NRXN1: variants seen among roughly 807,000 people sequenced by gnomAD.
NRXN1 encodes neurexin 1.
A neutral mutation model predicts 150.9 loss-of-function variants in NRXN1; 39 were observed. That is an observed-to-expected ratio of 0.26 (90% CI 0.20 to 0.34). The LOEUF (loss-of-function observed/expected upper bound fraction) is 0.34, where lower values mean the gene tolerates loss of function less well. Among genes scored for constraint, NRXN1 ranks in the 10% least tolerant of loss-of-function variants. The probability of loss-of-function intolerance (pLI) is 1.00; values close to 1 mark genes in which losing one functional copy is unlikely to be tolerated. For synonymous variants in NRXN1, 924 were observed against 757.0 expected (o/e 1.22, Z -3.62); for missense variants, 1,815 against 1,949.9 (o/e 0.93, Z 1.30).
At chr2:50,307,706 C>G (rs1227479060) in intron 17 of NRXN1, among the ~76,000 whole-genome samples, 1 of 152,134 alleles carries the variant, frequency 6.6e-6, no homozygotes, top group Non-Finnish European at 1.5e-5. Context: ...TGACTCCTGA[C>G]TTACTCTCAA....
chr2:50,272,424 AAAC>A lies in NRXN1; in HGVS notation c.3365-35457_3365-35455del, dbSNP rs1207803504. 5.3e-5 allele frequency among the ~76,000 whole-genome samples: 8 copies of A among 152,306 alleles called. No homozygotes were observed. The South Asian group carries it at 1.0e-3, about 20-fold the overall frequency. On this transcript the variant is annotated intron_variant, in intron 17 of 22. Coordinates refer to ENST00000401669, the MANE Select transcript of NRXN1 (RefSeq NM_001330078.2). ...AGCATTCAATAAAACTTGATACTGA[AAAC>A]AACAGCTCCCATTGAACAACTGGAG...
chr2:50,818,040 C>T (rs915729527), intron 5 of NRXN1, among the ~76,000 whole-genome samples: 3 of 140,122 alleles, frequency 2.1e-5, no homozygotes, highest in African/African-American at 5.4e-5. Flanking sequence ...GCATCAAAGC[C>T]AGCAAAAAGT....
rs552402178 is a variant in NRXN1, at chr2:50,058,420, C to T, written c.3719-3376G>A. ...GTGAGCACTGTTTTAAACTGAAGAACTTTTTAATTACAGGACAGACTTTAT... is the reference window on the plus strand; with the variant it reads ...GTGAGCACTGTTTTAAACTGAAGAATTTTTTAATTACAGGACAGACTTTAT... On this transcript the variant is annotated intron_variant, in intron 19 of 22. Coordinates refer to ENST00000401669, the MANE Select transcript of NRXN1 (RefSeq NM_001330078.2). Among the ~76,000 whole-genome samples the T allele has an allele frequency of 5.9e-5, 9 of 152,238 alleles. No homozygotes were observed. In the South Asian group the frequency reaches 1.7e-3, roughly 28 times the overall value.
intron 7 of NRXN1, among the ~76,000 whole-genome samples, chr2:50,620,475 A>G (rs1159002949): frequency 6.6e-6 from 1 of 152,174 alleles, no homozygotes; most frequent in Admixed American, 6.5e-5. Flanking sequence ...GCAACTCAAA[A>G]GTTATTGAGC....
At chr2:51,023,651 C>T (rs752443630) in intron 2 of NRXN1, among the ~76,000 whole-genome samples, 4 of 152,172 alleles carry the variant, frequency 2.6e-5, no homozygotes, top group African/African-American at 4.8e-5. Context: ...TATGCCTTCT[C>T]ACTAGAATAT....
chr2:50,981,885 T>C (rs1696886064), intron 2 of NRXN1, among the ~76,000 whole-genome samples: 1 of 150,890 alleles, frequency 6.6e-6, no homozygotes, highest in African/African-American at 2.4e-5. Flanking sequence ...ACACAGAAAA[T>C]TGAAAAAAAA....
chr2:50,176,428 C>T (rs2060358146), intron 18 of NRXN1, among the ~76,000 whole-genome samples: 1 of 152,026 alleles, frequency 6.6e-6, no homozygotes, highest in African/African-American at 2.4e-5. Context: ...GGGGCCTTTC[C>T]TGTGAATTTT....
At chr2:50,154,962 A>T (rs935724745) in intron 18 of NRXN1, among the ~76,000 whole-genome samples, 5 of 151,724 alleles carry the variant, frequency 3.3e-5, no homozygotes, top group African/African-American at 9.7e-5. Context: ...CCTTAACTTA[A>T]AATGAAAAAA....
chr2:50,971,346 A>T (rs1417818513), intron 2 of NRXN1, among the ~76,000 whole-genome samples: 1 of 152,134 alleles, frequency 6.6e-6, no homozygotes, highest in Non-Finnish European at 1.5e-5. Flanking sequence ...GCACTTTGGG[A>T]GGCCACAGTG....
chr2:50,360,795 A>C (rs549138883), intron 17 of NRXN1, among the ~76,000 whole-genome samples: 187 of 152,312 alleles, frequency 1.2e-3, no homozygotes, highest in Non-Finnish European at 1.7e-3. Context: ...TCCACCCCAA[A>C]TCAACAGAAT....
At chr2:50,109,471 G>T (rs776322723) in intron 18 of NRXN1, among the ~76,000 whole-genome samples, 9 of 151,976 alleles carry the variant, frequency 5.9e-5, no homozygotes, top group Non-Finnish European at 1.3e-4. Flanking sequence ...AAATGGCATT[G>T]CTTTGACTTT....
intron 21 of NRXN1, among the ~76,000 whole-genome samples, chr2:50,045,411 T>C (rs1037909217): frequency 6.6e-6 from 1 of 152,120 alleles, no homozygotes; most frequent in Non-Finnish European, 1.5e-5. Context: ...GGCATGATCT[T>C]GGCTCACTGC....
intron 5 of NRXN1, among the ~76,000 whole-genome samples, chr2:50,685,547 C>A (rs534205233): frequency 5.3e-5 from 8 of 152,204 alleles, no homozygotes; most frequent in African/African-American, 1.9e-4. Flanking sequence ...TTGGATTCAT[C>A]ACTTTTTTCT....
rs548734452 is a variant in NRXN1, at chr2:50,520,543, A to G, written c.2374+8082T>C. 7.6e-4 allele frequency among the ~76,000 whole-genome samples: 115 copies of G among 152,100 alleles called. 1 individual carries two copies. The highest frequency in any genetic ancestry group is 2.6e-3 in the African/African-American group (108 of 41,570). Reference sequence around the variant, plus strand: ...GATATACTTCCAGAAACATAATAGAAAAGCAATTTTGTTATGAAGGTCCCT... The same window carrying G: ...GATATACTTCCAGAAACATAATAGAGAAGCAATTTTGTTATGAAGGTCCCT... On this transcript the variant is annotated intron_variant, in intron 12 of 22. Coordinates refer to ENST00000401669, the MANE Select transcript of NRXN1 (RefSeq NM_001330078.2).
chr2:50,847,725 G>C (rs1431723052), intron 5 of NRXN1, among the ~76,000 whole-genome samples: 1 of 152,200 alleles, frequency 6.6e-6, no homozygotes, highest in African/African-American at 2.4e-5. Context: ...AGGATGTCCA[G>C]GGAGCACGTC....
intron 18 of NRXN1, among the ~76,000 whole-genome samples, chr2:50,160,556 G>C (rs962259647): frequency 1.3e-5 from 2 of 151,808 alleles, no homozygotes; most frequent in African/African-American, 4.8e-5. Flanking sequence ...AAAAAAAATG[G>C]CTTTCTGTTA....
At position 50,932,065 on chromosome 2, in the gene NRXN1, T is replaced by C. The variant is rs149849452; in HGVS notation, c.773-6110A>G. ...TTTTAGTAGACACAGGATTTCACCA[T>C]GTTGGCCAGGTGCCTGGCCAAAAAA... On this transcript the variant is annotated intron_variant, in intron 2 of 22. Coordinates refer to ENST00000401669, the MANE Select transcript of NRXN1 (RefSeq NM_001330078.2). Among the ~76,000 whole-genome samples, 327 of 151,948 alleles carry C rather than the reference T, an allele frequency of 2.2e-3. 3 individuals carry two copies. The highest frequency in any genetic ancestry group is 7.1e-3 in the African/African-American group (294 of 41,504).
rs558286142 is a variant in NRXN1 at position 50,008,858 on chromosome 2, A to T, written c.4128+44413T>A. Among the ~76,000 whole-genome samples the T allele has an allele frequency of 2.6e-5, 4 of 152,282 alleles. No individual in the cohort carries two copies. The East Asian group carries it at 7.7e-4, about 29-fold the overall frequency. ...GAAAGCAACAAGCTTACTCTACATT[A>T]TAGTAGCCATAATGTCACTAGGGGG... is the stretch of plus-strand genomic sequence containing the variant. On this transcript the variant is annotated intron_variant, in intron 21 of 22. Coordinates refer to ENST00000401669, the MANE Select transcript of NRXN1 (RefSeq NM_001330078.2).
At chr2:50,251,945 A>G (rs913142033) in intron 17 of NRXN1, among the ~76,000 whole-genome samples, 1 of 152,094 alleles carries the variant, frequency 6.6e-6, no homozygotes, top group Non-Finnish European at 1.5e-5. Flanking sequence ...CCTTTGTCAG[A>G]TGGATAGATT....
Sources: gnomAD v4.1 joint callset for allele counts (sites outside exome capture counted in the v4.1 genomes callset) on GRCh38, gnomAD v4.1.1 for gene constraint, MANE v1.5 for transcripts, NCBI Gene and HGNC (gene_info 2026-07-23, HGNC 2026-07-21) for gene names.